PCTP: variants seen among roughly 807,000 people sequenced by gnomAD.
PCTP encodes phosphatidylcholine transfer protein, also known as START domain-containing protein 2.
Under a neutral mutation model 31.0 loss-of-function variants are expected in PCTP, and 27 were observed. The ratio of observed to expected loss-of-function variants is 0.87; its 90% CI spans 0.64 to 1.20. PCTP has a LOEUF of 1.20. PCTP is among the 50% of genes most tolerant of loss of function. The pLI is 0.00. For synonymous variants in PCTP, 108 were observed against 101.2 expected, an observed-to-expected ratio of 1.07 and a Z score of -0.40; for missense variants, 287 against 268.2, an observed-to-expected ratio of 1.07 and a Z score of -0.49.
intron 3 of PCTP, among the ~76,000 whole-genome samples, chr17:55,794,736 G>A (rs965323942): frequency 4.6e-5 from 7 of 151,896 alleles, no homozygotes; most frequent in Admixed American, 1.3e-4. Context: ...AGAAGTTTCC[G>A]CATTTTGACC....
At chr17:55,810,072 T>G (rs1235885196) in intron 3 of PCTP, among the ~76,000 whole-genome samples, 1 of 151,996 alleles carries the variant, frequency 6.6e-6, no homozygotes. Context: ...CAGGCTGGAG[T>G]GCAGTGGTGG....
intron 3 of PCTP, among the ~76,000 whole-genome samples, chr17:55,815,637 T>C (rs1353117341): frequency 6.6e-6 from 1 of 152,194 alleles, no homozygotes. Flanking sequence ...GAAGGTACAG[T>C]AACAGGCAGC....
intron 3 of PCTP, among the ~76,000 whole-genome samples, chr17:55,790,789 A>G (rs1421726572): frequency 1.3e-5 from 2 of 149,494 alleles, no homozygotes; most frequent in African/African-American, 5.1e-5. Context: ...TTCTTCACAG[A>G]ATTGGAAAAA....
At chr17:55,832,632 C>A (rs1905640382) in intron 5 of PCTP, among the ~76,000 whole-genome samples, 2 of 152,208 alleles carry the variant, frequency 1.3e-5, no homozygotes, top group African/African-American at 4.8e-5. Flanking sequence ...TATTATGCCC[C>A]TAGGCCTTTG....
At position 55,760,266 on chromosome 17, in the gene PCTP, A is replaced by G. The variant is rs141072387; in HGVS notation, c.142-7069A>G. ...TAGATATTGGTTTTCCTGAAAATGT[A>G]CATTACAGTTCTGAATCCCAGTTCT... On this transcript the variant is annotated intron_variant, in intron 1 of 5. Coordinates refer to ENST00000268896, the MANE Select transcript of PCTP (RefSeq NM_021213.4). Among the ~76,000 whole-genome samples the G allele has an allele frequency of 7.6e-3, 1,163 of 152,338 alleles. 18 individuals are homozygous for G. The highest frequency in any genetic ancestry group is 0.024 in the Middle Eastern group (7 of 294).
intron 5 of PCTP, among the ~76,000 whole-genome samples, chr17:55,841,202 C>T (rs1021247686): frequency 2.6e-5 from 4 of 152,192 alleles, no homozygotes; most frequent in African/African-American, 9.7e-5. Flanking sequence ...AGCCTCCTTT[C>T]AGAATTAAAG....
intron 3 of PCTP, among the ~76,000 whole-genome samples, chr17:55,819,010 C>CAAAAAAAAAAAAAAAAAAAAAAAAAA (rs56823756): frequency 1.6e-4 from 8 of 51,110 alleles, no homozygotes; most frequent in Admixed American, 2.9e-4. Context: ...GGAAAGAAAT[C>CAAAAAAAAAAAAAAAAAAAAAAAAAA]AAAAAAAAAA....
At chr17:55,808,843 C>T (rs569701167) in intron 3 of PCTP, among the ~76,000 whole-genome samples, 95 of 152,300 alleles carry the variant, frequency 6.2e-4, no homozygotes, top group African/African-American at 2.2e-3. Flanking sequence ...AAGGAATTTC[C>T]TTCCCCCTCA....
chr17:55,777,230 A>G lies in PCTP; in HGVS notation c.*1130A>G, dbSNP rs1358380772. On this transcript the variant is annotated 3_prime_UTR_variant, in exon 6 of 6. Coordinates refer to ENST00000268896, the MANE Select transcript of PCTP (RefSeq NM_021213.4). Reference sequence around the variant, plus strand: ...GGAAAAATTTTAATCACTGTGTATAATGATACTGAACCTTGATTAATAACA... The same window carrying G: ...GGAAAAATTTTAATCACTGTGTATAGTGATACTGAACCTTGATTAATAACA... 2.0e-6 allele frequency: 2 copies of G among 985,338 alleles called. No individual in the cohort carries two copies. Among genetic ancestry groups the G allele is most frequent in the East Asian group, 1.1e-4 (1 of 8,824 alleles). The allele number at this position is 985,338 out of a possible 1,614,324, so 61.0% of individuals were successfully genotyped here.
the PCTP span, among the ~76,000 whole-genome samples, chr17:55,848,373 A>G: frequency 1.3e-5 from 2 of 152,216 alleles, no homozygotes; most frequent in Non-Finnish European, 2.9e-5. Flanking sequence ...GGTGAGAAGT[A>G]GCTAGTGGCA....
intron 2 of PCTP, chr17:55,768,747 G>A (rs536299514): frequency 1.3e-5 from 2 of 152,304 alleles, no homozygotes; most frequent in East Asian, 1.9e-4. Context: ...CTAGCATGGC[G>A]ACCAGGCTAT....
downstream of PCTP, among the ~76,000 whole-genome samples, chr17:55,847,208 G>A (rs899145906): frequency 1.3e-5 from 2 of 152,222 alleles, no homozygotes; most frequent in African/African-American, 4.8e-5. Flanking sequence ...ATCATTTTCT[G>A]GTTATTCTCT....
the PCTP span, among the ~76,000 whole-genome samples, chr17:55,849,866 C>G: frequency 6.6e-6 from 1 of 151,848 alleles, no homozygotes; most frequent in South Asian, 2.1e-4. Flanking sequence ...ATACCACAAC[C>G]AAGAAGAGTT....
chr17:55,759,097 C>T lies in PCTP; in HGVS notation c.141+7853C>T, dbSNP rs189083725. ...ATACCATACCAACATCTGGAGTGAA[C>T]CAGCAGGTGAATCTGGGGCAATGCT... On this transcript the variant is annotated intron_variant, in intron 1 of 5. Coordinates refer to ENST00000268896, the MANE Select transcript of PCTP (RefSeq NM_021213.4). Among the ~76,000 whole-genome samples the T allele has an allele frequency of 1.4e-4, 22 of 152,300 alleles. No homozygotes were observed. The East Asian group carries it at 3.5e-3, about 24-fold the overall frequency.
intron 3 of PCTP, among the ~76,000 whole-genome samples, chr17:55,801,003 G>A (rs1299849731): frequency 2.0e-5 from 3 of 152,012 alleles, no homozygotes; most frequent in Non-Finnish European, 2.9e-5. Context: ...TGGAAGCTTC[G>A]TCCCAGAGGG....
chr17:55,835,402 A>G (rs1905746408), intron 5 of PCTP, among the ~76,000 whole-genome samples: 1 of 152,168 alleles, frequency 6.6e-6, no homozygotes, highest in Non-Finnish European at 1.5e-5. Flanking sequence ...CACGACAACC[A>G]TTCACCTTTG....
chr17:55,763,389 C>T (rs1044164611), intron 1 of PCTP, among the ~76,000 whole-genome samples: 1 of 151,716 alleles, frequency 6.6e-6, no homozygotes, highest in Non-Finnish European at 1.5e-5. Context: ...GTATAAAGAG[C>T]CTTAAAATGT....
At chr17:55,824,434 G>A (rs180685235), downstream of PCTP, among the ~76,000 whole-genome samples, 696 of 152,300 alleles carry the variant, frequency 4.6e-3, 18 homozygotes, top group Admixed American at 0.042. Context: ...CCATCTCAGT[G>A]CATGTCTCAA....
chr17:55,848,527 C>T, the PCTP span, among the ~76,000 whole-genome samples: 5 of 152,206 alleles, frequency 3.3e-5, no homozygotes, highest in Non-Finnish European at 5.9e-5. Flanking sequence ...AAAAACTCCT[C>T]ATGCACTAAT....
Sources: gnomAD v4.1 joint callset for allele counts (sites outside exome capture counted in the v4.1 genomes callset) on GRCh38, gnomAD v4.1.1 for gene constraint, MANE v1.5 for transcripts, NCBI Gene and HGNC (gene_info 2026-07-23, HGNC 2026-07-21) for gene names.